Variants in HDAC9 observed in about 807,000 individuals in gnomAD.
The protein encoded by HDAC9 is histone deacetylase 9.
In HDAC9, 41 loss-of-function variants were observed where a neutral mutation model predicts 139.4. The ratio of observed to expected loss-of-function variants is 0.29; its 90% CI spans 0.23 to 0.38. The LOEUF (loss-of-function observed/expected upper bound fraction) is 0.38, where lower values mean the gene tolerates loss of function less well. Ranked by LOEUF, HDAC9 falls within the 10% of genes least tolerant of loss-of-function variation. The pLI, the probability that HDAC9 is intolerant of heterozygous loss-of-function variation, is 1.00. For missense variants in HDAC9, 1,147 were observed against 1,297.0 expected, an observed-to-expected ratio of 0.88 and a Z score of 1.78; for synonymous variants, 517 against 476.2, an observed-to-expected ratio of 1.09 and a Z score of -1.12.
At chr7:18,611,519 A>G (rs1207547546) in intron 6 of HDAC9, among the ~76,000 whole-genome samples, 1 of 152,126 alleles carries the variant, frequency 6.6e-6, no homozygotes, top group African/African-American at 2.4e-5. Flanking sequence ...GAACCGTCAC[A>G]GAGAGGTTTA....
At chr7:18,682,078 A>T (rs899115788) in intron 12 of HDAC9, among the ~76,000 whole-genome samples, 1 of 152,094 alleles carries the variant, frequency 6.6e-6, no homozygotes, top group African/African-American at 2.4e-5. Flanking sequence ...AAAAATTTAA[A>T]TTCTCTTTAC....
chr7:18,456,145 A>G (rs1024815172), intron 1 of HDAC9, among the ~76,000 whole-genome samples: 17 of 152,344 alleles, frequency 1.1e-4, no homozygotes, highest in Admixed American at 1.1e-3. Context: ...CAGCTGAGCT[A>G]GAACAAATTT....
chr7:18,736,665 T>C (rs889503748), intron 13 of HDAC9, among the ~76,000 whole-genome samples: 1 of 152,224 alleles, frequency 6.6e-6, no homozygotes, highest in Non-Finnish European at 1.5e-5. Flanking sequence ...TTCACATTGA[T>C]GTTCATCAGG....
chr7:18,248,769 G>A (rs917327), intron 2 of HDAC9, among the ~76,000 whole-genome samples: 111,715 of 152,102 alleles, frequency 0.73, 41,131 homozygotes, highest in South Asian at 0.85. Flanking sequence ...TTATTTATCT[G>A]CTATGTGCCA....
intron 12 of HDAC9, among the ~76,000 whole-genome samples, chr7:18,686,977 A>T (rs923756930): frequency 2.0e-5 from 3 of 151,900 alleles, no homozygotes; most frequent in African/African-American, 4.8e-5. Flanking sequence ...AGGGTAAATT[A>T]TACATATATA....
At chr7:18,568,553 A>G (rs1823220830) in intron 2 of HDAC9, among the ~76,000 whole-genome samples, 1 of 152,258 alleles carries the variant, frequency 6.6e-6, no homozygotes, top group Non-Finnish European at 1.5e-5. Flanking sequence ...AGCAAGCAAC[A>G]AAGTCTAAAA....
In HDAC9 at chr7:18,736,699, T is replaced by C. The variant is rs188493308; in HGVS notation, c.1909+8942T>C. Reference sequence around the variant, plus strand: ...GGGATATTGGTCTAAAATTCTCTTTTTTTGTTGTGTCTCTGCCAGGCTTTG... The same window carrying C: ...GGGATATTGGTCTAAAATTCTCTTTCTTTGTTGTGTCTCTGCCAGGCTTTG... On this transcript the variant is annotated intron_variant, in intron 13 of 25. Transcript: ENST00000686413. Among the ~76,000 whole-genome samples, 18 of 152,326 alleles carry C rather than the reference T, an allele frequency of 1.2e-4. No individual in the cohort carries two copies. The East Asian group carries it at 3.5e-3, about 29-fold the overall frequency.
intron 2 of HDAC9, among the ~76,000 whole-genome samples, chr7:18,171,195 C>G (rs184186904): frequency 7.9e-5 from 12 of 152,234 alleles, no homozygotes; most frequent in African/African-American, 2.6e-4. Context: ...GTATTTTATT[C>G]TCTTTGAAGC....
At chr7:18,212,473 C>T (rs547916009) in intron 2 of HDAC9, among the ~76,000 whole-genome samples, 47 of 152,204 alleles carry the variant, frequency 3.1e-4, no homozygotes, top group Middle Eastern at 3.4e-3. Flanking sequence ...CTTGTTGCGT[C>T]ATCAAAGATA....
chr7:18,572,122 A>G (rs1008099485), intron 2 of HDAC9, among the ~76,000 whole-genome samples: 1 of 151,972 alleles, frequency 6.6e-6, no homozygotes, highest in African/African-American at 2.4e-5. Flanking sequence ...TTTGCTAAGA[A>G]AAATCATTTA....
At chr7:18,658,329 A>C (rs1379465420) in intron 11 of HDAC9, among the ~76,000 whole-genome samples, 3 of 152,292 alleles carry the variant, frequency 2.0e-5, no homozygotes, top group Admixed American at 2.0e-4. Flanking sequence ...TTCTCAAACT[A>C]GTTGGAACAA....
At chr7:18,394,272 C>G (rs1398087263) in intron 1 of HDAC9, among the ~76,000 whole-genome samples, 1 of 152,040 alleles carries the variant, frequency 6.6e-6, no homozygotes, top group Non-Finnish European at 1.5e-5. Context: ...GTAGGTGTCA[C>G]ATTTATTTTA....
intron 1 of HDAC9, among the ~76,000 whole-genome samples, chr7:18,416,668 C>G (rs1023275581): frequency 3.3e-5 from 5 of 151,986 alleles, no homozygotes; most frequent in African/African-American, 1.2e-4. Flanking sequence ...TCAAGTTCTT[C>G]AATTCAATTG....
chr7:18,836,133 G>A (rs1348254637), intron 21 of HDAC9, 136 bp downstream of exon 21: 1 of 547,020 alleles, frequency 1.8e-6, no homozygotes, highest in Admixed American at 3.4e-5. Flanking sequence ...ATATGTATAA[G>A]AAGAAAAGAT....
At chr7:18,545,416 G>T (rs945785136) in intron 2 of HDAC9, among the ~76,000 whole-genome samples, 13 of 152,162 alleles carry the variant, frequency 8.5e-5, no homozygotes, top group African/African-American at 2.7e-4. Flanking sequence ...GTGAAGTTGG[G>T]TAGTGACCAG....
chr7:18,870,641 T>G (rs1798846361), intron 21 of HDAC9, among the ~76,000 whole-genome samples: 2 of 152,136 alleles, frequency 1.3e-5, no homozygotes, highest in South Asian at 4.1e-4. Context: ...ACAGCAAACT[T>G]TTGTCCACTA....
At chr7:18,396,889 T>G (rs1787112919) in intron 1 of HDAC9, among the ~76,000 whole-genome samples, 1 of 152,140 alleles carries the variant, frequency 6.6e-6, no homozygotes, top group South Asian at 2.1e-4. Context: ...AAACACATTT[T>G]TGTTTTTTTT....
At chr7:18,294,612 C>G (rs1798019176) in intron 1 of HDAC9, among the ~76,000 whole-genome samples, 1 of 152,084 alleles carries the variant, frequency 6.6e-6, no homozygotes, top group Non-Finnish European at 1.5e-5. Context: ...CTTAGAGGTA[C>G]TGGCAGAATC....
chr7:18,370,780 G>C lies in HDAC9; in HGVS notation c.-42+80265G>C, dbSNP rs143143872. ...ACTATTTGTTCTCTTCTAGATGACA[G>C]CCAGTTGCTTAAAACCTATAATGAG... On this transcript the variant is annotated intron_variant, in intron 1 of 3. Transcript: ENST00000413509. Among the ~76,000 whole-genome samples, 1,331 of 152,282 alleles carry C rather than the reference G, an allele frequency of 8.7e-3. 18 individuals carry two copies. The highest frequency in any genetic ancestry group is 0.03 in the African/African-American group (1,258 of 41,558).
Sources: allele counts gnomAD v4.1 joint callset (sites outside exome capture counted in the v4.1 genomes callset), GRCh38; gene constraint gnomAD v4.1.1; transcripts MANE v1.5; gene names NCBI Gene and HGNC (gene_info 2026-07-23, HGNC 2026-07-21).